The following WDR43 variants were observed in gnomAD, a reference collection of about 807,000 sequenced individuals.
The protein encoded by WDR43 is WD repeat-containing protein 43.
In WDR43, 13 loss-of-function variants were observed where a neutral mutation model predicts 91.4. That is an observed-to-expected ratio of 0.14 (90% CI 0.09 to 0.23). The LOEUF (loss-of-function observed/expected upper bound fraction) is 0.23. Among genes scored for constraint, WDR43 ranks in the 10% least tolerant of loss-of-function variants. The pLI is 1.00. For missense variants in WDR43, 780 were observed against 809.4 expected, an observed-to-expected ratio of 0.96 and a Z score of 0.44; for synonymous variants, 331 against 287.9, an observed-to-expected ratio of 1.15 and a Z score of -1.51.
At chr2:28,941,370 G>A (rs1671432693) in intron 14 of WDR43, 91 bp from the exon 15 acceptor site, 3 of 934,640 alleles carry the variant, frequency 3.2e-6, no homozygotes, top group Non-Finnish European at 4.9e-6. Context: ...GTGTGGTGCA[G>A]TGGCTAAATA....
chr2:28,926,636 A>G, intron 9 of WDR43, 82 bp downstream of exon 9: 1 of 1,230,060 alleles, frequency 8.1e-7, no homozygotes, highest in Non-Finnish European at 1.1e-6. Context: ...ATTATGATTA[A>G]ACTGAGTTTT....
At chr2:28,909,586 T>C (rs543415678) in intron 3 of WDR43, among the ~76,000 whole-genome samples, 3 of 152,274 alleles carry the variant, frequency 2.0e-5, no homozygotes, top group East Asian at 1.9e-4. Flanking sequence ...AAAAAGCTGA[T>C]TGGTGGCTGG....
At chr2:28,936,856 C>CA in intron 12 of WDR43, 66 bp from the exon 13 acceptor site, 1 of 1,346,986 alleles carries the variant, frequency 7.4e-7, no homozygotes, top group Admixed American at 2.0e-5. Context: ...GTCATTGTAT[C>CA]ATAGGAATTG....
chr2:28,915,865 A>G (rs1308820177), intron 5 of WDR43, among the ~76,000 whole-genome samples: 1 of 152,232 alleles, frequency 6.6e-6, no homozygotes, highest in Non-Finnish European at 1.5e-5. Flanking sequence ...GTTAGAATGA[A>G]TGTTACTAAG....
intron 16 of WDR43, among the ~76,000 whole-genome samples, chr2:28,942,626 T>C (rs930973383): frequency 2.6e-5 from 4 of 150,968 alleles, no homozygotes; most frequent in African/African-American, 9.7e-5. Flanking sequence ...TTTCTTTTTT[T>C]TTTTTTTTAA....
intron 6 of WDR43, among the ~76,000 whole-genome samples, chr2:28,920,604 G>A (rs1671005730): frequency 1.3e-5 from 2 of 152,026 alleles, no homozygotes; most frequent in Admixed American, 1.3e-4. Flanking sequence ...AGTAATTTAT[G>A]GAAGAAAAAT....
At position 28,946,852 on chromosome 2, in the gene WDR43, G is replaced by A; in HGVS notation, c.*73G>A. On this transcript the variant is annotated 3_prime_UTR_variant, in exon 18 of 18. Coordinates refer to ENST00000407426, the MANE Select transcript of WDR43 (RefSeq NM_015131.3). Reference sequence around the variant, plus strand: ...GCCCAGTGGTGAGGGCTGCCTCTGTGCCAGGATGCCAAGGACCGCTGCACA... The same window carrying A: ...GCCCAGTGGTGAGGGCTGCCTCTGTACCAGGATGCCAAGGACCGCTGCACA... 2 of 1,452,026 alleles carry A rather than the reference G, an allele frequency of 1.4e-6. No individual in the cohort carries two copies. The highest frequency in any genetic ancestry group is 1.8e-6 in the Non-Finnish European group (2 of 1,105,354). The allele number at this position is 1,452,026 out of a possible 1,614,324, so 89.9% of individuals were successfully genotyped here.
At chr2:28,943,448 A>C (rs187652226) in intron 16 of WDR43, among the ~76,000 whole-genome samples, 2 of 152,286 alleles carry the variant, frequency 1.3e-5, no homozygotes, top group East Asian at 3.9e-4. Context: ...CCTTTTTGTC[A>C]TGTACTGGCA....
intron 6 of WDR43, among the ~76,000 whole-genome samples, chr2:28,919,084 C>A (rs905565856): frequency 6.6e-6 from 1 of 151,966 alleles, no homozygotes; most frequent in Non-Finnish European, 1.5e-5. Flanking sequence ...ATAGTGAGAC[C>A]CTGTCTCTAC....
At chr2:28,903,210 G>A (rs1670610968) in intron 2 of WDR43, among the ~76,000 whole-genome samples, 1 of 152,124 alleles carries the variant, frequency 6.6e-6, no homozygotes, top group Non-Finnish European at 1.5e-5. Flanking sequence ...AAGTGGGATA[G>A]TCCATTATGT....
At position 28,946,440 on chromosome 2, in the gene WDR43, C is replaced by G. The variant is rs375847908; in HGVS notation, c.1805-10C>G. 1.2e-6 allele frequency: 2 copies of G among 1,606,328 alleles called. No individual in the cohort carries two copies. The highest frequency in any genetic ancestry group is 1.7e-5 in the Admixed American group (1 of 58,998). ...CTAAAATTAAGGCTGGGTTCTTTCTCCCCTTACAGAGTCTTCTGAAGAGGA... is the reference window on the plus strand; with the variant it reads ...CTAAAATTAAGGCTGGGTTCTTTCTGCCCTTACAGAGTCTTCTGAAGAGGA... On this transcript the variant is annotated splice_polypyrimidine_tract_variant and intron_variant, in intron 16 of 17. Transcript: ENST00000407426.
At chr2:28,895,791 T>C (rs1207636405) in intron 1 of WDR43, 2 of 152,220 alleles carry the variant, frequency 1.3e-5, no homozygotes, top group African/African-American at 4.8e-5. Context: ...AGCATGCACG[T>C]GGTTATTGCG....
At position 28,908,305 on chromosome 2, in the gene WDR43, T is replaced by TA. The variant is rs569200423; in HGVS notation, c.485+1725dup. Among the ~76,000 whole-genome samples the TA allele has an allele frequency of 1.3e-3, 199 of 152,302 alleles. 1 individual carries two copies. The highest frequency in any genetic ancestry group is 2.4e-3 in the Non-Finnish European group (160 of 68,026). On this transcript the variant is annotated intron_variant, in intron 3 of 17. Transcript: ENST00000407426. ...TAAGACCCAGCAGACAGGGTGGTGC[T>TA]AGAGGCTTAGATTTAAGTAGGGGTT...
intron 5 of WDR43, 93 bp from the exon 6 acceptor site, chr2:28,917,800 A>C: frequency 9.4e-7 from 1 of 1,063,800 alleles, no homozygotes; most frequent in African/African-American, 1.8e-5. Flanking sequence ...TGGGAATCTC[A>C]TGTGCTGATC....
chr2:28,923,142 A>C (rs1671068343), intron 7 of WDR43, among the ~76,000 whole-genome samples, 159 bp downstream of exon 7: 1 of 152,218 alleles, frequency 6.6e-6, no homozygotes, highest in East Asian at 1.9e-4. Context: ...TTGCCAGTTA[A>C]AACTGGGTGT....
intron 6 of WDR43, among the ~76,000 whole-genome samples, chr2:28,918,357 T>TA (rs1670957471): frequency 4.6e-5 from 7 of 151,982 alleles, no homozygotes; most frequent in Middle Eastern, 3.2e-3. Flanking sequence ...TTTCTTTTTT[T>TA]ATCTCTTTTT....
chr2:28,933,240 A>G (rs926567545), intron 11 of WDR43, among the ~76,000 whole-genome samples: 1 of 152,196 alleles, frequency 6.6e-6, no homozygotes, highest in African/African-American at 2.4e-5. Flanking sequence ...TGATTTCAAA[A>G]TAAAGCTATA....
At chr2:28,909,266 G>A (rs1670744330) in intron 3 of WDR43, among the ~76,000 whole-genome samples, 1 of 152,048 alleles carries the variant, frequency 6.6e-6, no homozygotes, top group Non-Finnish European at 1.5e-5. Flanking sequence ...AGCTTCCCGA[G>A]TAGCTGGGAT....
chr2:28,941,559 T>G lies in WDR43; in HGVS notation c.1719T>G (p.Ile573Met), dbSNP rs1671437479. 1 of 1,611,140 alleles carries G rather than the reference T, an allele frequency of 6.2e-7. No homozygotes were observed. The highest frequency in any genetic ancestry group is 8.5e-7 in the Non-Finnish European group (1 of 1,178,340). ...QKLSHLHGKLILLITQVTASE... is the reference protein window; with the variant it reads ...QKLSHLHGKLMLLITQVTASE... ...TTTCACACCTTCATGGAAAGCTTAT[T>G]CTTCTAATTACACAAGTGAGTAAAT... The change falls in exon 15 of 18, where the codon ATT becomes ATG. Residue 573 changes from isoleucine to methionine, a missense_variant. By Grantham distance (10) the Ile-to-Met change is conservative (BLOSUM62 1). Coordinates refer to ENST00000407426, the MANE Select transcript of WDR43 (RefSeq NM_015131.3).
Sources: gnomAD v4.1 joint callset for allele counts (sites outside exome capture counted in the v4.1 genomes callset) on GRCh38, gnomAD v4.1.1 for gene constraint, MANE v1.5 for transcripts, NCBI Gene and HGNC (gene_info 2026-07-23, HGNC 2026-07-21) for gene names.